The following CLSTN2 variants were observed in gnomAD, a reference collection of about 807,000 sequenced individuals.
CLSTN2 encodes calsyntenin 2, also known as calsyntenin-2.
A neutral mutation model predicts 101.2 loss-of-function variants in CLSTN2; 48 were observed. The observed-to-expected ratio is 0.47, with a 90% CI of 0.38 to 0.60. CLSTN2 has a LOEUF of 0.60. CLSTN2 is among the 20% of genes least tolerant of loss of function. The probability of loss-of-function intolerance (pLI) is 0.00; values close to 1 mark genes in which losing one functional copy is unlikely to be tolerated. For synonymous variants in CLSTN2, 481 were observed against 463.6 expected (o/e 1.04, Z -0.48); for missense variants, 1,160 against 1,238.2 (o/e 0.94, Z 0.95).
At chr3:140,014,366 A>G (rs1163970995) in intron 1 of CLSTN2, among the ~76,000 whole-genome samples, 7 of 152,044 alleles carry the variant, frequency 4.6e-5, no homozygotes, top group Non-Finnish European at 8.8e-5. Context: ...GTACAGGTGC[A>G]TGCTACCATG....
chr3:140,427,198 T>TGTGTGTATATAC (rs1231683544), intron 5 of CLSTN2, among the ~76,000 whole-genome samples: 3 of 74,716 alleles, frequency 4.0e-5, no homozygotes, highest in African/African-American at 1.7e-4. Context: ...TATATATATA[T>TGTGTGTATATAC]ATATATGTGT....
Position 140,573,870 on chromosome 3 carries a change from A to G in CLSTN2, c.*7617A>G, listed in dbSNP as rs1350018035. ...AGAAGGGAGCTGGTACCTCTGGACC[A>G]TTGAGGCAACACCTCCCCAGAGGCA... On this transcript the variant is annotated 3_prime_UTR_variant, in exon 17 of 17. Transcript: ENST00000458420. 1 of 152,354 alleles carries G rather than the reference A, an allele frequency of 6.6e-6. No homozygotes were observed. The highest frequency in any genetic ancestry group is 1.5e-5 in the Non-Finnish European group (1 of 68,148). The allele number at this position is 152,354 out of a possible 1,614,324, so 9.4% of individuals were successfully genotyped here.
In CLSTN2 at chr3:140,423,805, C is replaced by T. The variant is rs534769545; in HGVS notation, c.787+2531C>T. Among the ~76,000 whole-genome samples the T allele has an allele frequency of 1.5e-4, 23 of 152,338 alleles. 1 individual carries two copies. The East Asian group carries it at 3.1e-3, about 20-fold the overall frequency. On this transcript the variant is annotated intron_variant, in intron 5 of 16. Transcript: ENST00000458420. ...TAGCTCATTGCAGACACCCCTTCCC[C>T]TTTTCCCCTCTCTCCCTTACGTGCC...
chr3:140,553,325 TTATATA>T (rs375732559), intron 10 of CLSTN2, among the ~76,000 whole-genome samples: 289 of 152,284 alleles, frequency 1.9e-3, no homozygotes, highest in African/African-American at 6.7e-3. Flanking sequence ...GCTAGAAACT[TTATATA>T]TATTATCTCA....
intron 6 of CLSTN2, among the ~76,000 whole-genome samples, chr3:140,457,340 T>C (rs1933428386): frequency 6.6e-6 from 1 of 152,244 alleles, no homozygotes; most frequent in African/African-American, 2.4e-5. Context: ...ACCATCTGTC[T>C]TCACACTGGA....
chr3:140,086,732 T>A (rs934074034), intron 1 of CLSTN2, among the ~76,000 whole-genome samples: 1 of 152,208 alleles, frequency 6.6e-6, no homozygotes, highest in Non-Finnish European at 1.5e-5. Flanking sequence ...ATCTCAGACA[T>A]GTATTTTGGA....
intron 1 of CLSTN2, among the ~76,000 whole-genome samples, chr3:140,131,873 G>T (rs76546564): frequency 1.3e-3 from 191 of 152,190 alleles, no homozygotes; most frequent in African/African-American, 4.5e-3. Context: ...GGCTAAAACT[G>T]TCCCACAATT....
At position 140,274,283 on chromosome 3, in the gene CLSTN2, T is replaced by A. The variant is rs80147068; in HGVS notation, c.232+98210T>A. 4.0e-3 allele frequency among the ~76,000 whole-genome samples: 606 copies of A among 152,222 alleles called. 4 individuals are homozygous for A. Among genetic ancestry groups the A allele is most frequent in the African/African-American group, 0.014 (574 of 41,542 alleles). On this transcript the variant is annotated intron_variant, in intron 2 of 16. Coordinates refer to ENST00000458420, the MANE Select transcript of CLSTN2 (RefSeq NM_022131.3). ...AGTGACAGAGAGCTCTGGCATTGCT[T>A]ATCCTGAGTGCCTGGGAAGAGCTCT...
intron 5 of CLSTN2, among the ~76,000 whole-genome samples, chr3:140,434,594 G>A (rs1022608615): frequency 2.0e-5 from 3 of 152,194 alleles, no homozygotes; most frequent in Non-Finnish European, 2.9e-5. Flanking sequence ...GTGGCACCTC[G>A]GCTGAAATCT....
At chr3:140,308,724 A>G (rs1485331054) in intron 2 of CLSTN2, among the ~76,000 whole-genome samples, 1 of 152,240 alleles carries the variant, frequency 6.6e-6, no homozygotes, top group Non-Finnish European at 1.5e-5. Context: ...ACAGTGCCAA[A>G]TTATTAAACA....
chr3:140,411,909 A>C (rs909846207), intron 4 of CLSTN2, among the ~76,000 whole-genome samples: 6 of 152,272 alleles, frequency 3.9e-5, no homozygotes, highest in Non-Finnish European at 8.8e-5. Context: ...TACAGGCCAC[A>C]CAGAGAACAG....
At chr3:140,399,677 A>C (rs1441598234) in intron 2 of CLSTN2, among the ~76,000 whole-genome samples, 1 of 152,208 alleles carries the variant, frequency 6.6e-6, no homozygotes, top group Non-Finnish European at 1.5e-5. Flanking sequence ...ACACAAAACA[A>C]ACTCAACTGT....
intron 2 of CLSTN2, among the ~76,000 whole-genome samples, chr3:140,397,906 A>G (rs1475755890): frequency 6.7e-6 from 1 of 150,212 alleles, no homozygotes; most frequent in Non-Finnish European, 1.5e-5. Context: ...TTCCTTCAAA[A>G]GTTGGTATAT....
chr3:140,424,271 G>C (rs2088537692), intron 5 of CLSTN2, among the ~76,000 whole-genome samples: 1 of 152,196 alleles, frequency 6.6e-6, no homozygotes. Flanking sequence ...CTCTCTCTCA[G>C]TCACTGCCCC....
intron 1 of CLSTN2, among the ~76,000 whole-genome samples, chr3:140,004,750 G>T (rs2107748906): frequency 6.6e-6 from 1 of 152,320 alleles, no homozygotes; most frequent in Non-Finnish European, 1.5e-5. Flanking sequence ...GGGAGAGGCT[G>T]CTTGTGCTAA....
chr3:139,941,986 G>T (rs1935139781), intron 1 of CLSTN2, among the ~76,000 whole-genome samples: 1 of 152,126 alleles, frequency 6.6e-6, no homozygotes, highest in Non-Finnish European at 1.5e-5. Flanking sequence ...GAGGTAACTT[G>T]CCCAAAGTCT....
chr3:140,024,026 C>T (rs1035644308), intron 1 of CLSTN2, among the ~76,000 whole-genome samples: 13 of 152,280 alleles, frequency 8.5e-5, no homozygotes, highest in African/African-American at 2.9e-4. Flanking sequence ...GCCTCTGAAG[C>T]CAAACTGCTT....
rs1274431023 is a variant in CLSTN2, at chr3:139,935,271, C to G, written c.-104C>G. Reference sequence around the variant, plus strand: ...CGCGGCGGCAGCGCTAGAAGCGCACCCATCGGGCACGGCGAGGCGGCCCAC... The same window carrying G: ...CGCGGCGGCAGCGCTAGAAGCGCACGCATCGGGCACGGCGAGGCGGCCCAC... On this transcript the variant is annotated 5_prime_UTR_variant, in exon 1 of 17. Transcript: ENST00000458420. This position sits in a 1 kb window ranked among gnomAD's most constrained non-coding sequence, Gnocchi z 5.5. The G allele has an allele frequency of 1.9e-6, 1 of 517,984 alleles. No individual in the cohort carries two copies. The highest frequency in any genetic ancestry group is 2.9e-6 in the Non-Finnish European group (1 of 344,308). The allele number at this position is 517,984 out of a possible 1,614,324, so 32.1% of individuals were successfully genotyped here.
intron 2 of CLSTN2, among the ~76,000 whole-genome samples, chr3:140,295,874 A>G (rs2086998078): frequency 6.6e-6 from 1 of 152,186 alleles, no homozygotes; most frequent in Non-Finnish European, 1.5e-5. Context: ...TACTCTTTAG[A>G]GCCTTTTATA....
Sources: allele counts gnomAD v4.1 joint callset (sites outside exome capture counted in the v4.1 genomes callset), GRCh38; gene constraint gnomAD v4.1.1; non-coding constraint Gnocchi (gnomAD v3.1); transcripts MANE v1.5; gene names NCBI Gene and HGNC (gene_info 2026-07-23, HGNC 2026-07-21).